SLC16A7: variants seen among roughly 807,000 people sequenced by gnomAD.
The protein encoded by SLC16A7 is monocarboxylate transporter 2.
SLC16A7 carries 33 observed loss-of-function variants against 34.9 expected under a neutral mutation model. The ratio of observed to expected loss-of-function variants is 0.94; its 90% CI spans 0.72 to 1.26. SLC16A7 has a LOEUF of 1.26. Among genes scored for constraint, SLC16A7 ranks in the 50% most tolerant of loss-of-function variants. The pLI, the probability that SLC16A7 is intolerant of heterozygous loss-of-function variation, is 0.00. For missense variants in SLC16A7, 573 were observed against 578.1 expected (o/e 0.99, Z 0.09); for synonymous variants, 201 against 206.6 (o/e 0.97, Z 0.23).
intron 2 of SLC16A7, among the ~76,000 whole-genome samples, chr12:59,663,044 T>C (rs576703236): frequency 2.0e-5 from 3 of 152,174 alleles, no homozygotes. Flanking sequence ...TAGTATTTTT[T>C]GAGGATTTTA....
intron 1 of SLC16A7, among the ~76,000 whole-genome samples, chr12:59,614,852 A>AAT (rs1879370594): frequency 6.8e-6 from 1 of 148,072 alleles, no homozygotes; most frequent in Non-Finnish European, 1.5e-5. Context: ...AAAAAAAAAA[A>AAT]ATTAGCCAGG....
At chr12:59,749,259 A>G (rs1417793639) in intron 3 of SLC16A7, among the ~76,000 whole-genome samples, 3 of 152,092 alleles carry the variant, frequency 2.0e-5, no homozygotes. Context: ...TTTTGAAGGG[A>G]CAAGATCAAC....
intron 2 of SLC16A7, among the ~76,000 whole-genome samples, chr12:59,672,075 ATATATGTGTATATAT>A (rs1173967224): frequency 0.17 from 1 of 6 alleles, no homozygotes; most frequent in Non-Finnish European, 0.5. Flanking sequence ...ATATCCGTAT[ATATATGTGTATATAT>A]CGCATATATC....
intron 3 of SLC16A7, among the ~76,000 whole-genome samples, chr12:59,714,800 G>A (rs1186693287): frequency 6.6e-6 from 1 of 152,152 alleles, no homozygotes; most frequent in South Asian, 2.1e-4. Flanking sequence ...CCTGACCTCA[G>A]GTGATCCACC....
chr12:59,748,847 C>T (rs1879187356), intron 3 of SLC16A7, among the ~76,000 whole-genome samples: 1 of 152,110 alleles, frequency 6.6e-6, no homozygotes, highest in Non-Finnish European at 1.5e-5. Context: ...GATTTGAGAA[C>T]AAGCAAATGA....
chr12:59,622,487 G>A (rs1405756529), intron 1 of SLC16A7, among the ~76,000 whole-genome samples: 1 of 151,728 alleles, frequency 6.6e-6, no homozygotes, highest in Non-Finnish European at 1.5e-5. Context: ...TGTATATTCT[G>A]CATGTATTTC....
At chr12:59,753,558 A>T (rs1879879533) in intron 3 of SLC16A7, among the ~76,000 whole-genome samples, 1 of 152,078 alleles carries the variant, frequency 6.6e-6, no homozygotes, top group Non-Finnish European at 1.5e-5. Context: ...AGAGCTAACT[A>T]TCCTAAATAT....
In SLC16A7 at chr12:59,762,845, C is replaced by T. The variant is rs149112056; in HGVS notation, c.218-8374C>T. 6.7e-3 allele frequency among the ~76,000 whole-genome samples: 1,014 copies of T among 151,450 alleles called. 8 individuals are homozygous for T. The highest frequency in any genetic ancestry group is 0.012 in the Non-Finnish European group (841 of 67,848). The stretch of plus-strand genomic sequence containing the variant: ...CTCAAAAAAAAAAAAATCTGATGCT[C>T]AGTATCAATCATTTAAAAATAAATG... On this transcript the variant is annotated intron_variant, in intron 3 of 5. Transcript: ENST00000547379.
intron 1 of SLC16A7, chr12:59,597,206 A>T (rs1355606146): frequency 6.7e-6 from 1 of 150,184 alleles, no homozygotes; most frequent in African/African-American, 2.5e-5. Context: ...TTCCAATTCC[A>T]GGGAAATTAA....
At chr12:59,734,197 C>T (rs1046394672) in intron 3 of SLC16A7, 2 of 213,130 alleles carry the variant, frequency 9.4e-6, no homozygotes, top group African/African-American at 4.6e-5. Context: ...GGTAGGGGCA[C>T]CTGCAGACTC....
rs1286294776 is a variant in SLC16A7 at position 59,704,961 on chromosome 12, A to G, written c.160A>G (p.Thr54Ala). Residue 54 changes from threonine to alanine, a missense_variant, in exon 3 of 6, where the codon ACC (threonine) becomes GCC (alanine). Coordinates refer to ENST00000547379, the MANE Select transcript of SLC16A7 (RefSeq NM_001270623.2). The part of the protein sequence containing the change: ...FKEIQQIFHT[T>A]YSEIAWISSI... ...AGAAATTCAGCAAATATTCCACACT[A>G]CCTACAGTGAAATAGCATGGATTTC... The G allele has an allele frequency of 1.9e-6, 3 of 1,613,552 alleles. No individual in the cohort carries two copies. Among genetic ancestry groups the G allele is most frequent in the Non-Finnish European group, 2.5e-6 (3 of 1,179,690 alleles).
chr12:59,773,957 A>G (rs1882483627), intron 4 of SLC16A7, among the ~76,000 whole-genome samples: 2 of 152,306 alleles, frequency 1.3e-5, no homozygotes, highest in Middle Eastern at 3.4e-3. Context: ...CAAAGGTGAT[A>G]CTCAACACTG....
rs1027503562 is a variant in SLC16A7, at chr12:59,749,131, G to A, written c.218-22088G>A. 4.6e-5 allele frequency among the ~76,000 whole-genome samples: 7 copies of A among 152,316 alleles called. No individual in the cohort carries two copies. In the South Asian group the frequency reaches 1.0e-3, roughly 23 times the overall value. ...TGCCACAAAGGAAATTTATTAGTAA[G>A]GAAGAGAAATTAGCATTGAGAATTT... On this transcript the variant is annotated intron_variant, in intron 3 of 5. Transcript: ENST00000547379.
chr12:59,743,969 G>A (rs1878612834), intron 3 of SLC16A7, among the ~76,000 whole-genome samples: 5 of 152,152 alleles, frequency 3.3e-5, no homozygotes, highest in Admixed American at 3.3e-4. Context: ...AAGTCACTTA[G>A]TGGAGTACTT....
At position 59,789,382 on chromosome 12, in the gene SLC16A7, A is replaced by G. The variant is rs972347617; in HGVS notation, c.*9703A>G. ...TTGAATCCTTTTTATTTTGTCAAAC[A>G]TTCTATGCAAATATTGAAATATGCA... On this transcript the variant is annotated 3_prime_UTR_variant, in exon 6 of 6. Coordinates refer to ENST00000547379, the MANE Select transcript of SLC16A7 (RefSeq NM_001270623.2). The G allele has an allele frequency of 2.0e-5, 3 of 152,184 alleles. No homozygotes were observed. The highest frequency in any genetic ancestry group is 7.2e-5 in the African/African-American group (3 of 41,460). The allele number at this position is 152,184 out of a possible 1,614,324, so 9.4% of individuals were successfully genotyped here.
At chr12:59,713,011 C>CT (rs1034992783) in intron 3 of SLC16A7, among the ~76,000 whole-genome samples, 9 of 151,002 alleles carry the variant, frequency 6.0e-5, no homozygotes, top group Non-Finnish European at 1.0e-4. Flanking sequence ...CTTTTCTTTT[C>CT]TTTTTTTTTC....
intron 1 of SLC16A7, among the ~76,000 whole-genome samples, chr12:59,609,576 C>G (rs1044776744): frequency 1.4e-4 from 22 of 151,942 alleles, no homozygotes; most frequent in Non-Finnish European, 2.4e-4. Flanking sequence ...TGAGAGAGAC[C>G]TTGTGGATCC....
chr12:59,666,008 C>A (rs910876382), intron 2 of SLC16A7, among the ~76,000 whole-genome samples: 2 of 152,004 alleles, frequency 1.3e-5, no homozygotes, highest in Non-Finnish European at 2.9e-5. Context: ...CATTTGTATT[C>A]TTTTCAAACT....
chr12:59,640,578 A>G (rs1285784360), intron 1 of SLC16A7, among the ~76,000 whole-genome samples: 1 of 152,142 alleles, frequency 6.6e-6, no homozygotes, highest in Non-Finnish European at 1.5e-5. Context: ...TCCAGATAAC[A>G]AGAGGATCCA....
Sources: gnomAD v4.1 joint callset for allele counts (sites outside exome capture counted in the v4.1 genomes callset) on GRCh38, gnomAD v4.1.1 for gene constraint, MANE v1.5 for transcripts, NCBI Gene and HGNC (gene_info 2026-07-23, HGNC 2026-07-21) for gene names.